The following FKBP5 variants were observed in gnomAD, a reference collection of about 807,000 sequenced individuals.
The protein encoded by FKBP5 is FKBP prolyl isomerase 5, also known as peptidyl-prolyl cis-trans isomerase FKBP5.
Under a neutral mutation model 50.5 loss-of-function variants are expected in FKBP5, and 23 were observed. The ratio of observed to expected loss-of-function variants is 0.46; its 90% CI spans 0.33 to 0.65. FKBP5 has a LOEUF of 0.65. FKBP5 is among the 30% of genes least tolerant of loss of function. The pLI, the probability that FKBP5 is intolerant of heterozygous loss-of-function variation, is 0.02. For synonymous variants in FKBP5, 176 were observed against 190.6 expected (o/e 0.92, Z 0.63); for missense variants, 411 against 553.1 (o/e 0.74, Z 2.58).
rs1765056982 is a variant in FKBP5, at chr6:35,660,735, C to G, written c.-19-17892G>C. 2.4e-5 allele frequency among the ~76,000 whole-genome samples: 2 copies of G among 83,402 alleles called. 1 individual carries two copies. The highest frequency in any genetic ancestry group is 5.5e-5 in the Non-Finnish European group (2 of 36,566). 54.7% of individuals were successfully genotyped at this position (83,402 alleles called of 152,430 possible). A position where few individuals can be genotyped will look rare whatever the true frequency, so the allele number is the denominator to read the frequency against. On this transcript the variant is annotated intron_variant, in intron 1 of 10. Coordinates refer to ENST00000357266, the MANE Select transcript of FKBP5 (RefSeq NM_004117.4). ...TCACATCTTCTAAATTATTTTTTGTCTACTTGTTCTATCAATTATTGAGAG... is the reference window on the plus strand; with the variant it reads ...TCACATCTTCTAAATTATTTTTTGTGTACTTGTTCTATCAATTATTGAGAG...
At chr6:35,586,434 C>T in intron 8 of FKBP5, 1 of 985,450 alleles carries the variant, frequency 1.0e-6, no homozygotes, top group Non-Finnish European at 1.2e-6. Flanking sequence ...TGTCCTCTCT[C>T]CTTTTATCAT....
chr6:35,631,694 C>T (rs1229148419), intron 3 of FKBP5, among the ~76,000 whole-genome samples: 6 of 152,158 alleles, frequency 3.9e-5, no homozygotes, highest in South Asian at 2.1e-4. Flanking sequence ...TGGTGGCTCA[C>T]GCCTGTAATC....
chr6:35,613,383 T>G (rs1054725484), intron 5 of FKBP5, among the ~76,000 whole-genome samples: 2 of 152,006 alleles, frequency 1.3e-5, no homozygotes, highest in Non-Finnish European at 2.9e-5. Flanking sequence ...CCCAGCTAAT[T>G]GTTTGTATTT....
chr6:35,590,702 AG>A (rs1364514822), intron 7 of FKBP5, among the ~76,000 whole-genome samples: 1 of 152,108 alleles, frequency 6.6e-6, no homozygotes, highest in Non-Finnish European at 1.5e-5. Context: ...GCCACAGTGC[AG>A]GCCTCTTCGT....
At chr6:35,688,301 G>A (rs1167362861) in intron 1 of FKBP5, among the ~76,000 whole-genome samples, 1 of 152,104 alleles carries the variant, frequency 6.6e-6, no homozygotes, top group African/African-American at 2.4e-5. Flanking sequence ...GCTCGCCCTG[G>A]GGTCCGGTTG....
chr6:35,704,049 T>C lies in FKBP5; in HGVS notation c.-20+16279A>G, dbSNP rs114806853. Among the ~76,000 whole-genome samples the C allele has an allele frequency of 5.4e-3, 829 of 152,328 alleles. 3 individuals carry two copies. The highest frequency in any genetic ancestry group is 0.018 in the African/African-American group (760 of 41,588). On this transcript the variant is annotated intron_variant, in intron 2 of 11. Coordinates refer to the FKBP5 transcript ENST00000536438. ...CGATTCTGTGAGTTACCTAACAACC[T>C]GAAATAAGCCCCCTTTCTGCTCAGT...
intron 7 of FKBP5, 78 bp downstream of exon 7, chr6:35,591,052 T>A (rs544560368): frequency 6.5e-6 from 6 of 929,230 alleles, no homozygotes; most frequent in Admixed American, 2.2e-5. Context: ...TACCACCTAC[T>A]AAGATAAGAT....
rs921366950 is a variant in FKBP5, at chr6:35,599,540, C to T, written c.509-2136G>A. Among the ~76,000 whole-genome samples the T allele has an allele frequency of 3.3e-5, 5 of 152,068 alleles. 1 individual carries two copies. The highest frequency in any genetic ancestry group is 3.9e-4 in the East Asian group (2 of 5,188). ...GTTCCAATTTTAGTATATGTGCTGC[C>T]GAAGTGAGTACTCACTACTCTTTTT... On this transcript the variant is annotated intron_variant, in intron 5 of 10. Transcript: ENST00000357266.
intron 5 of FKBP5, among the ~76,000 whole-genome samples, chr6:35,613,753 T>C (rs1162990394): frequency 1.3e-5 from 2 of 152,198 alleles, no homozygotes; most frequent in African/African-American, 4.8e-5. Flanking sequence ...TAAATTTCTA[T>C]GAAATAGATT....
intron 5 of FKBP5, among the ~76,000 whole-genome samples, chr6:35,606,484 C>T (rs936062554): frequency 5.9e-5 from 9 of 151,470 alleles, no homozygotes; most frequent in Middle Eastern, 3.2e-3. Context: ...GGTGAAACCC[C>T]GTCTCCACTA....
chr6:35,593,273 G>A (rs368991998), intron 6 of FKBP5, among the ~76,000 whole-genome samples: 6 of 152,306 alleles, frequency 3.9e-5, no homozygotes, highest in African/African-American at 1.2e-4. Flanking sequence ...GGAATTCAGC[G>A]TTAATGCCCT....
intron 8 of FKBP5, chr6:35,585,260 T>A: frequency 2.0e-6 from 2 of 981,232 alleles, no homozygotes; most frequent in Non-Finnish European, 2.4e-6. Context: ...GGACTCACGA[T>A]CTTAAGAAAT....
rs117730957 is a variant in FKBP5, at chr6:35,611,226, C to A, written c.508+7870G>T. Among the ~76,000 whole-genome samples, 95 of 152,302 alleles carry A rather than the reference C, an allele frequency of 6.2e-4. 1 individual carries two copies. In the East Asian group the frequency reaches 0.011, roughly 18 times the overall value. ...TCTTACATTCCTCTCCTTTCCAGCACTATTATTGATCTCTTCTTCTTCTTT... is the reference window on the plus strand; with the variant it reads ...TCTTACATTCCTCTCCTTTCCAGCAATATTATTGATCTCTTCTTCTTCTTT... On this transcript the variant is annotated intron_variant, in intron 5 of 10. Transcript: ENST00000357266.
At chr6:35,625,593 G>C (rs894946982) in intron 3 of FKBP5, among the ~76,000 whole-genome samples, 1 of 149,310 alleles carries the variant, frequency 6.7e-6, no homozygotes, top group Non-Finnish European at 1.5e-5. Context: ...AAAATTAGCC[G>C]GGCGTGGTGG....
At chr6:35,718,244 C>G (rs529429404) in intron 2 of FKBP5, among the ~76,000 whole-genome samples, 1 of 152,158 alleles carries the variant, frequency 6.6e-6, no homozygotes, top group Non-Finnish European at 1.5e-5. Context: ...GGCACAGAGG[C>G]GGGAAAATGC....
At chr6:35,608,343 T>C (rs1282902625) in intron 5 of FKBP5, among the ~76,000 whole-genome samples, 10 of 150,080 alleles carry the variant, frequency 6.7e-5, no homozygotes. Context: ...AACTGGCACA[T>C]GTCCCCCCTG....
upstream of FKBP5, among the ~76,000 whole-genome samples, chr6:35,689,454 C>T (rs1387392460): frequency 6.6e-6 from 1 of 152,110 alleles, no homozygotes; most frequent in African/African-American, 2.4e-5. Flanking sequence ...TATCACCTCC[C>T]TCTGGACACC....
chr6:35,718,831 C>T (rs1013614911), intron 2 of FKBP5, among the ~76,000 whole-genome samples: 8 of 152,204 alleles, frequency 5.3e-5, no homozygotes, highest in African/African-American at 1.9e-4. Flanking sequence ...TACAGGAGTT[C>T]CAAACCTTGA....
chr6:35,671,061 C>A (rs1322461145), intron 1 of FKBP5, among the ~76,000 whole-genome samples: 4 of 151,962 alleles, frequency 2.6e-5, no homozygotes, highest in African/African-American at 7.2e-5. Flanking sequence ...GAGTTTGAGA[C>A]CAGCCTGGGC....
Sources: allele counts gnomAD v4.1 joint callset (sites outside exome capture counted in the v4.1 genomes callset), GRCh38; gene constraint gnomAD v4.1.1; transcripts MANE v1.5; gene names NCBI Gene and HGNC (gene_info 2026-07-23, HGNC 2026-07-21).